Variants in ACTR1B observed in about 807,000 individuals in gnomAD.
ACTR1B encodes beta-centractin.
ACTR1B carries 34 observed loss-of-function variants against 49.4 expected under a neutral mutation model. The observed-to-expected ratio is 0.69, with a 90% CI of 0.52 to 0.92. The LOEUF (loss-of-function observed/expected upper bound fraction) is 0.92. Ranked by LOEUF, ACTR1B falls within the 40% of genes least tolerant of loss-of-function variation. ACTR1B has a pLI of 0.00. For synonymous variants in ACTR1B, 207 were observed against 207.8 expected (o/e 1.00, Z 0.03); for missense variants, 471 against 522.4 (o/e 0.90, Z 0.96).
At chr2:97,663,622 G>C (rs1439085856) in intron 1 of ACTR1B, among the ~76,000 whole-genome samples, 1 of 151,934 alleles carries the variant, frequency 6.6e-6, no homozygotes, top group African/African-American at 2.4e-5. Flanking sequence ...GGGAGGGGTC[G>C]GGGAAGAGGC....
At chr2:97,657,654 T>A in intron 8 of ACTR1B, 145 bp from the exon 9 acceptor site, 1 of 941,634 alleles carries the variant, frequency 1.1e-6, no homozygotes, top group Middle Eastern at 3.2e-4. Context: ...TGAGAAATGA[T>A]CCAGCCCCAT....
intron 8 of ACTR1B, 48 bp from the exon 9 acceptor site, chr2:97,657,557 C>T (rs377395582): frequency 3.1e-6 from 5 of 1,594,942 alleles, no homozygotes; most frequent in East Asian, 2.2e-5. Context: ...CCGGCCTCCT[C>T]GCTGCTAGCT....
Position 97,664,002 on chromosome 2 carries a change from C to A in ACTR1B, c.-112G>T, listed in dbSNP as rs1349312200. On this transcript the variant is annotated 5_prime_UTR_variant, in exon 1 of 11. Transcript: ENST00000289228. ...CTCCCGACGCGGCGCCGCTGCCCTC[C>A]CTCCCCGAGCCTGCAGCCTACGCGA... 2 of 556,724 alleles carry A rather than the reference C, an allele frequency of 3.6e-6. No homozygotes were observed. The highest frequency in any genetic ancestry group is 5.2e-6 in the Non-Finnish European group (2 of 382,940). 34.5% of individuals were successfully genotyped at this position (556,724 alleles called of 1,614,324 possible). A position where few individuals can be genotyped will look rare whatever the true frequency, so the allele number is the denominator to read the frequency against.
Position 97,658,160 on chromosome 2 carries a change from C to T in ACTR1B, c.751-43G>A, listed in dbSNP as rs551464888. On this transcript the variant is annotated intron_variant, in intron 7 of 10. Coordinates refer to ENST00000289228, the MANE Select transcript of ACTR1B (RefSeq NM_005735.4). The surrounding 1 kb of genome is among the most constrained non-coding windows in gnomAD (Gnocchi z 5.9). ...GAGGCAGACAGGCTTCCTGGAGAAG[C>T]GGGCTACCCCTTCCCCCAGGCTGGG... 97 of 1,612,680 alleles carry T rather than the reference C, an allele frequency of 6.0e-5. 1 individual carries two copies. The highest frequency in any genetic ancestry group is 4.9e-4 in the East Asian group (22 of 44,852).
chr2:97,658,786 C>T lies in ACTR1B; in HGVS notation c.440+93G>A. ...CCCTAGAGGAACAGTCATCAAGGGG[C>T]TGTTTTTCCAGGGAAGTCAGACCCT... is the stretch of plus-strand genomic sequence containing the variant. On this transcript the variant is annotated intron_variant, in intron 5 of 10. Transcript: ENST00000289228. The surrounding 1 kb of genome is among the most constrained non-coding windows in gnomAD (Gnocchi z 5.9). 14 of 1,598,690 alleles carry T rather than the reference C, an allele frequency of 8.8e-6. No individual in the cohort carries two copies. Among genetic ancestry groups the T allele is most frequent in the Non-Finnish European group, 1.1e-5 (13 of 1,168,252 alleles).
At chr2:97,663,740 G>T in intron 1 of ACTR1B, 103 bp downstream of exon 1, 1 of 670,688 alleles carries the variant, frequency 1.5e-6, no homozygotes, top group Non-Finnish European at 2.0e-6. Context: ...CGGCCACGCA[G>T]TGAGCGGAGG....
rs773010049 is a variant in ACTR1B, at chr2:97,657,429, G to A, written c.987+19C>T. On this transcript the variant is annotated intron_variant, in intron 9 of 10. Transcript: ENST00000289228. ...CTGCCAGCGCCCTAGTGCCCCAGGG[G>A]GAGTTTCTGTAACCTCACCTTGATT... 5 of 1,613,926 alleles carry A rather than the reference G, an allele frequency of 3.1e-6. No homozygotes were observed. In the East Asian group the frequency reaches 6.7e-5, roughly 22 times the overall value.
At position 97,659,907 on chromosome 2, in the gene ACTR1B, G is replaced by C. The variant is rs1465058367; in HGVS notation, c.190-430C>G. ...CGCCTCTCCCCCCAGCCCTTTGGCC[G>C]GTCCTCACCAGTCCCCTGTTTGCAC... On this transcript the variant is annotated intron_variant, in intron 3 of 10. Coordinates refer to ENST00000289228, the MANE Select transcript of ACTR1B (RefSeq NM_005735.4). The surrounding 1 kb of genome is among the most constrained non-coding windows in gnomAD (Gnocchi z 4.0). 2 of 227,984 alleles carry C rather than the reference G, an allele frequency of 8.8e-6. No individual in the cohort carries two copies. Among genetic ancestry groups the C allele is most frequent in the Non-Finnish European group, 1.7e-5 (2 of 118,104 alleles). The allele number at this position is 227,984 out of a possible 1,614,324, so 14.1% of individuals were successfully genotyped here.
rs1159671160 is a variant in ACTR1B, at chr2:97,658,809, C to T, written c.440+70G>A. ...GGCTGTTTTTCCAGGGAAGTCAGAC[C>T]CTGGTCATGGCAAGCAGGACGGCAC... On this transcript the variant is annotated intron_variant, in intron 5 of 10. Transcript: ENST00000289228. The surrounding 1 kb of genome is among the most constrained non-coding windows in gnomAD (Gnocchi z 5.9). 4 of 1,608,742 alleles carry T rather than the reference C, an allele frequency of 2.5e-6. No homozygotes were observed. The highest frequency in any genetic ancestry group is 2.6e-6 in the Non-Finnish European group (3 of 1,176,440).
At position 97,657,982 on chromosome 2, in the gene ACTR1B, C is replaced by A; in HGVS notation, c.886G>T (p.Ala296Ser). The stretch of plus-strand genomic sequence containing the variant: ...GAGCCACCTGAGAGCACGATGTTGG[C>A]GAACAGCGTCCGGCGCAGGTCCATG... Reference protein sequence around the residue: ...SDMDLRRTLFANIVLSGGSTL... With the variant: ...SDMDLRRTLFSNIVLSGGSTL... The change falls in exon 8 of 11, where the codon GCC becomes TCC. Residue 296 changes from alanine to serine, a missense_variant. By Grantham distance (99) the Ala-to-Ser change is moderately conservative. Coordinates refer to ENST00000289228, the MANE Select transcript of ACTR1B (RefSeq NM_005735.4). The A allele has an allele frequency of 6.2e-7, 1 of 1,614,184 alleles. No homozygotes were observed. Among genetic ancestry groups the A allele is most frequent in the Non-Finnish European group, 8.5e-7 (1 of 1,180,034 alleles).
chr2:97,657,206 G>A lies in ACTR1B; in HGVS notation c.988-14C>T. 1 of 1,612,382 alleles carries A rather than the reference G, an allele frequency of 6.2e-7. No homozygotes were observed. The highest frequency in any genetic ancestry group is 8.5e-7 in the Non-Finnish European group (1 of 1,179,354). The stretch of plus-strand genomic sequence containing the variant: ...CGGGGCTGAGATCTAGAAGGAGGAA[G>A]TGGCCACGTTAACTGTGGATCCCCA... On this transcript the variant is annotated splice_polypyrimidine_tract_variant and intron_variant, in intron 9 of 10. Transcript: ENST00000289228.
chr2:97,662,077 A>T (rs1408805860), intron 1 of ACTR1B, 131 bp from the exon 2 acceptor site: 2 of 866,004 alleles, frequency 2.3e-6, no homozygotes, highest in Non-Finnish European at 3.7e-6. Flanking sequence ...AGGATCATTT[A>T]CAAGTACACC....
Position 97,656,925 on chromosome 2 carries a change from T to C in ACTR1B, c.1064A>G (p.Lys355Arg). The stretch of plus-strand genomic sequence containing the variant: ...ATACTCCTTTTTGGACACCCACATC[T>C]TCTTAAAAGTGTCCAGCGAGGCCAG... ...SILASLDTFK[K>R]MWVSKKEYEE... Residue 355 changes from lysine (K) to arginine (R), a missense_variant, in exon 11 of 11, where the codon AAG (lysine) becomes AGG (arginine). Physicochemically the swap from Lys to Arg is conservative, Grantham distance 26 (BLOSUM62 2). Transcript: ENST00000289228. 6.3e-7 allele frequency: 1 copy of C among 1,595,792 alleles called. No homozygotes were observed. The highest frequency in any genetic ancestry group is 8.5e-7 in the Non-Finnish European group (1 of 1,171,068).
rs992661590 is a variant in ACTR1B, at chr2:97,656,599, G to T, written c.*259C>A. The T allele has an allele frequency of 1.5e-5, 7 of 456,786 alleles. No individual in the cohort carries two copies. Among genetic ancestry groups the T allele is most frequent in the Admixed American group, 1.1e-4 (3 of 27,526 alleles). The allele number at this position is 456,786 out of a possible 1,614,324, so 28.3% of individuals were successfully genotyped here. On this transcript the variant is annotated 3_prime_UTR_variant, in exon 11 of 11. Transcript: ENST00000289228. ...CAGGCCTAGCTGGCCCTGCCAGGGG[G>T]ATACCCACAACAGCCTGACATGGCG...
Position 97,659,423 on chromosome 2 carries a change from C to G in ACTR1B, c.244G>C (p.Asp82His). ...CAGATGCGTTCCATGTCGTTCCAGTCTCGCACCACGCCGTGCTCCATGGGG... is the reference window on the plus strand; with the variant it reads ...CAGATGCGTTCCATGTCGTTCCAGTGTCGCACCACGCCGTGCTCCATGGGG... ...RYPMEHGVVRDWNDMERIWQY... is the reference protein window; with the variant it reads ...RYPMEHGVVRHWNDMERIWQY... The change falls in exon 4 of 11, where the codon GAC becomes CAC. Residue 82 changes from aspartate to histidine, a missense_variant. Transcript: ENST00000289228. This position sits in a 1 kb window ranked among gnomAD's most constrained non-coding sequence, Gnocchi z 4.0. 1 of 1,614,066 alleles carries G rather than the reference C, an allele frequency of 6.2e-7. No homozygotes were observed. The highest frequency in any genetic ancestry group is 8.5e-7 in the Non-Finnish European group (1 of 1,180,004).
In ACTR1B at chr2:97,663,984, C is replaced by G. The variant is rs1220808000; in HGVS notation, c.-94G>C. On this transcript the variant is annotated 5_prime_UTR_variant, in exon 1 of 11. Transcript: ENST00000289228. ...GGACCGGGACGGCGGCGGCTCCCGA[C>G]GCGGCGCCGCTGCCCTCCCTCCCCG... 1.3e-6 allele frequency: 1 copy of G among 770,722 alleles called. No homozygotes were observed. 47.7% of individuals were successfully genotyped at this position (770,722 alleles called of 1,614,324 possible).
At chr2:97,660,861 C>G (rs1221888953) in intron 2 of ACTR1B, among the ~76,000 whole-genome samples, 1 of 152,184 alleles carries the variant, frequency 6.6e-6, no homozygotes, top group Non-Finnish European at 1.5e-5. Flanking sequence ...AAGGCACGGT[C>G]AGCAGAGACA....
chr2:97,662,414 T>C (rs556507995), intron 1 of ACTR1B, among the ~76,000 whole-genome samples: 223 of 151,854 alleles, frequency 1.5e-3, no homozygotes, highest in Non-Finnish European at 9.4e-4. Context: ...CTTTTTTTTT[T>C]TTTTTCAACA....
At chr2:97,663,754 C>A (rs1194984431) in intron 1 of ACTR1B, 89 bp downstream of exon 1, 2 of 838,264 alleles carry the variant, frequency 2.4e-6, no homozygotes, top group African/African-American at 1.8e-5. Context: ...GCGGAGGACG[C>A]GCCGAGGCGG....
Sources: gnomAD v4.1 joint callset for allele counts (sites outside exome capture counted in the v4.1 genomes callset) on GRCh38, gnomAD v4.1.1 for gene constraint, Gnocchi (gnomAD v3.1) non-coding constraint, MANE v1.5 for transcripts, NCBI Gene and HGNC (gene_info 2026-07-23, HGNC 2026-07-21) for gene names.